The following HECTD2 variants were observed in gnomAD, a reference collection of about 807,000 sequenced individuals.
HECTD2 encodes the protein HECT domain E3 ubiquitin protein ligase 2, also known as probable E3 ubiquitin-protein ligase HECTD2.
HECTD2 carries 35 observed loss-of-function variants against 103.2 expected under a neutral mutation model. The ratio of observed to expected loss-of-function variants is 0.34; its 90% CI spans 0.26 to 0.45. The LOEUF (loss-of-function observed/expected upper bound fraction) is 0.45, where lower values mean the gene tolerates loss of function less well. HECTD2 is among the 20% of genes least tolerant of loss of function. HECTD2 has a pLI of 1.00. For missense variants in HECTD2, 596 were observed against 937.4 expected, an observed-to-expected ratio of 0.64 and a Z score of 4.76; for synonymous variants, 281 against 329.9, an observed-to-expected ratio of 0.85 and a Z score of 1.61.
rs1847399428 is a variant in HECTD2, at chr10:91,510,972, T to TTAAG, written c.2211-1290_2211-1287dup. Among the ~76,000 whole-genome samples, 7 of 152,310 alleles carry TTAAG rather than the reference T, an allele frequency of 4.6e-5. No individual in the cohort carries two copies. The South Asian group carries it at 1.5e-3, about 32-fold the overall frequency. The stretch of plus-strand genomic sequence containing the variant: ...ACCAGTAAAATGAGAACAACCACTT[T>TTAAG]TAAGTTGCTTTGAGGCTGAAATTAA... On this transcript the variant is annotated intron_variant, in intron 20 of 20. Transcript: ENST00000298068.
Position 91,513,175 on chromosome 10 carries a change from T to C in HECTD2, c.*791T>C, listed in dbSNP as rs1847484686. ...ACTTGTGTACTCTGTAATATTTGTA[T>C]AATGATCATTTCTTCTTAAGGCTCA... On this transcript the variant is annotated 3_prime_UTR_variant, in exon 21 of 21. Transcript: ENST00000298068. 6.6e-6 allele frequency: 1 copy of C among 152,642 alleles called. No homozygotes were observed. Among genetic ancestry groups the C allele is most frequent in the Non-Finnish European group, 1.5e-5 (1 of 68,028 alleles). 9.5% of individuals were successfully genotyped at this position (152,642 alleles called of 1,614,324 possible).
Position 91,462,188 on chromosome 10 carries a change from A to C in HECTD2, c.600+4A>C, listed in dbSNP as rs900537462. 2 of 1,576,346 alleles carry C rather than the reference A, an allele frequency of 1.3e-6. No homozygotes were observed. Among genetic ancestry groups the C allele is most frequent in the Admixed American group, 3.5e-5 (2 of 57,226 alleles). On this transcript the variant is annotated splice_donor_region_variant and intron_variant, in intron 5 of 20. Coordinates refer to ENST00000298068, the MANE Select transcript of HECTD2 (RefSeq NM_182765.6). ...GTATGATACCTTACTTAATACTGTA[A>C]GTATTATGACATGCAAGTAATATTA...
intron 5 of HECTD2, among the ~76,000 whole-genome samples, chr10:91,474,097 A>G (rs1409893376): frequency 6.6e-6 from 1 of 152,224 alleles, no homozygotes; most frequent in Non-Finnish European, 1.5e-5. Flanking sequence ...CTAAAGAAAG[A>G]GTAGAATATT....
chr10:91,460,419 C>A lies in HECTD2; in HGVS notation c.269-8C>A. ...TCATTATTTTGAATGTGTTTTTATA[C>A]TTCACAGTGAGAGAACCACCACCAA... On this transcript the variant is annotated splice_polypyrimidine_tract_variant and splice_region_variant and intron_variant, in intron 2 of 20. Transcript: ENST00000298068. 6.3e-7 allele frequency: 1 copy of A among 1,587,542 alleles called. No homozygotes were observed. Among genetic ancestry groups the A allele is most frequent in the Non-Finnish European group, 8.6e-7 (1 of 1,168,672 alleles).
chr10:91,438,510 T>C (rs1489423066), intron 2 of HECTD2, among the ~76,000 whole-genome samples: 3 of 150,988 alleles, frequency 2.0e-5, no homozygotes, highest in Non-Finnish European at 4.4e-5. Flanking sequence ...GTTCCCAGTC[T>C]TTGCTATTGC....
chr10:91,414,248 AG>A, intron 1 of HECTD2, among the ~76,000 whole-genome samples: 1 of 152,260 alleles, frequency 6.6e-6, no homozygotes, highest in African/African-American at 2.4e-5. Context: ...GAGAAATGGG[AG>A]GAATTTAGTT....
At position 91,514,014 on chromosome 10, in the gene HECTD2, G is replaced by A. The variant is rs957346735; in HGVS notation, c.*1630G>A. ...GCCTAAGAGAGTTAAAGGCATCCTG[G>A]TTTTGTTTCATTTTGCTCTGTTTTA... On this transcript the variant is annotated 3_prime_UTR_variant, in exon 21 of 21. Transcript: ENST00000298068. 2.8e-4 allele frequency: 43 copies of A among 152,616 alleles called. No individual in the cohort carries two copies. The highest frequency in any genetic ancestry group is 9.9e-4 in the African/African-American group (41 of 41,514). The allele number at this position is 152,616 out of a possible 1,614,324, so 9.5% of individuals were successfully genotyped here. A position where few individuals can be genotyped will look rare whatever the true frequency, so the allele number is the denominator to read the frequency against.
intron 20 of HECTD2, among the ~76,000 whole-genome samples, chr10:91,507,166 T>A (rs908925289): frequency 1.3e-5 from 2 of 150,990 alleles, no homozygotes; most frequent in African/African-American, 4.9e-5. Flanking sequence ...ACAGCCAATA[T>A]CATACTGAAT....
intron 2 of HECTD2, among the ~76,000 whole-genome samples, chr10:91,430,780 T>C (rs1843824703): frequency 6.6e-6 from 1 of 152,080 alleles, no homozygotes; most frequent in Non-Finnish European, 1.5e-5. Flanking sequence ...TGTCTCTGCA[T>C]GTGCGATGGG....
At chr10:91,432,072 G>A (rs1843906755) in intron 2 of HECTD2, among the ~76,000 whole-genome samples, 2 of 151,942 alleles carry the variant, frequency 1.3e-5, no homozygotes, top group Non-Finnish European at 2.9e-5. Flanking sequence ...GTGGCATGGA[G>A]TTTATTTGTT....
intron 2 of HECTD2, among the ~76,000 whole-genome samples, chr10:91,431,357 T>C (rs933239369): frequency 4.0e-5 from 6 of 151,870 alleles, no homozygotes; most frequent in African/African-American, 1.2e-4. Flanking sequence ...AATTATGTGT[T>C]TTGGAGTTGC....
chr10:91,485,070 G>A (rs1401398968), intron 9 of HECTD2, 110 bp from the exon 10 acceptor site: 19 of 656,218 alleles, frequency 2.9e-5, no homozygotes, highest in Non-Finnish European at 4.9e-6. Flanking sequence ...ATTTAAAATA[G>A]GAGTTTCTAG....
chr10:91,476,976 C>A (rs1284186228), intron 5 of HECTD2, among the ~76,000 whole-genome samples: 6 of 149,280 alleles, frequency 4.0e-5, no homozygotes, highest in African/African-American at 1.5e-4. Flanking sequence ...GTCAGGAGAT[C>A]GAGACCATCC....
chr10:91,458,751 A>G (rs1039805428), intron 2 of HECTD2, among the ~76,000 whole-genome samples: 1 of 152,012 alleles, frequency 6.6e-6, no homozygotes, highest in Non-Finnish European at 1.5e-5. Context: ...AAAATGGATA[A>G]TGGACTTAAA....
chr10:91,427,537 G>C (rs1843622388), intron 2 of HECTD2, among the ~76,000 whole-genome samples: 1 of 152,080 alleles, frequency 6.6e-6, no homozygotes, highest in Non-Finnish European at 1.5e-5. Context: ...TTTAATGATT[G>C]CCATTCTAAC....
intron 5 of HECTD2, chr10:91,463,376 G>A (rs2133210820): frequency 6.6e-6 from 1 of 152,232 alleles, no homozygotes; most frequent in South Asian, 2.1e-4. Flanking sequence ...GGAAGAGGAG[G>A]GGTTGGTCTT....
intron 20 of HECTD2, among the ~76,000 whole-genome samples, chr10:91,511,412 A>T (rs569032563): frequency 6.6e-6 from 1 of 152,292 alleles, no homozygotes; most frequent in Non-Finnish European, 1.5e-5. Flanking sequence ...CCGGAATAAT[A>T]GTATCATTCA....
chr10:91,490,918 A>G (rs1049388201), intron 11 of HECTD2, among the ~76,000 whole-genome samples: 11 of 150,574 alleles, frequency 7.3e-5, no homozygotes, highest in South Asian at 4.2e-4. Context: ...AAAAAAAAAA[A>G]AGAGATGAGA....
chr10:91,457,011 G>A (rs1268060630), intron 2 of HECTD2, among the ~76,000 whole-genome samples: 7 of 152,006 alleles, frequency 4.6e-5, no homozygotes, highest in African/African-American at 1.7e-4. Flanking sequence ...AACAGACCCT[G>A]TAAACATCAG....
Sources: gnomAD v4.1 joint callset for allele counts (sites outside exome capture counted in the v4.1 genomes callset) on GRCh38, gnomAD v4.1.1 for gene constraint, MANE v1.5 for transcripts, NCBI Gene and HGNC (gene_info 2026-07-23, HGNC 2026-07-21) for gene names.